CLPB: variants seen among roughly 807,000 people sequenced by gnomAD.
CLPB encodes ClpB family mitochondrial disaggregase, also known as mitochondrial disaggregase.
CLPB carries 40 observed loss-of-function variants against 78.4 expected under a neutral mutation model. That is an observed-to-expected ratio of 0.51 (90% CI 0.40 to 0.66). The LOEUF (loss-of-function observed/expected upper bound fraction) is 0.66. Ranked by LOEUF, CLPB falls within the 30% of genes least tolerant of loss-of-function variation. CLPB has a pLI of 0.00. For missense variants in CLPB, 780 were observed against 886.9 expected (o/e 0.88, Z 1.53); for synonymous variants, 333 against 348.0 (o/e 0.96, Z 0.48).
chr11:72,362,841 C>T (rs1378171049), intron 4 of CLPB, among the ~76,000 whole-genome samples: 2 of 152,198 alleles, frequency 1.3e-5, no homozygotes, highest in Admixed American at 6.5e-5. Context: ...ATATACTTTC[C>T]TCTCAGAAAG....
chr11:72,422,280 A>C (rs986894491), intron 2 of CLPB, among the ~76,000 whole-genome samples: 11 of 151,286 alleles, frequency 7.3e-5, no homozygotes, highest in Non-Finnish European at 1.3e-4. Context: ...AAAAAAAAAA[A>C]AAAAAAAAAA....
chr11:72,299,337 CTG>C (rs1949613377), intron 11 of CLPB, among the ~76,000 whole-genome samples: 3 of 152,248 alleles, frequency 2.0e-5, no homozygotes, highest in African/African-American at 7.2e-5. Flanking sequence ...GAAAATTTGA[CTG>C]TTTCTTTCTT....
chr11:72,422,593 G>A (rs553702488), intron 2 of CLPB, among the ~76,000 whole-genome samples: 1 of 152,282 alleles, frequency 6.6e-6, no homozygotes, highest in South Asian at 2.1e-4. Flanking sequence ...TGCCCTTGAG[G>A]CCTTGACCTT....
chr11:72,433,872 C>T (rs575271042), intron 1 of CLPB, among the ~76,000 whole-genome samples, 200 bp downstream of exon 1: 1 of 152,254 alleles, frequency 6.6e-6, no homozygotes, highest in South Asian at 2.1e-4. Context: ...GGAAGCGGAT[C>T]TATGGTACGA....
At chr11:72,360,913 T>C (rs2135621491) in intron 4 of CLPB, among the ~76,000 whole-genome samples, 2 of 152,288 alleles carry the variant, frequency 1.3e-5, no homozygotes, top group South Asian at 4.1e-4. Context: ...CCCCACTGTT[T>C]CTCACATATC....
At chr11:72,331,520 C>T (rs1167265408) in intron 5 of CLPB, among the ~76,000 whole-genome samples, 3 of 150,044 alleles carry the variant, frequency 2.0e-5, no homozygotes, top group South Asian at 2.1e-4. Flanking sequence ...GGATTACAGG[C>T]GTGGGCCACT....
At chr11:72,332,021 C>T (rs1016764986) in intron 5 of CLPB, among the ~76,000 whole-genome samples, 5 of 152,036 alleles carry the variant, frequency 3.3e-5, no homozygotes, top group African/African-American at 1.2e-4. Flanking sequence ...AGGGGCAGGC[C>T]ATAGGAAATA....
chr11:72,293,925 G>T, intron 15 of CLPB, 97 bp downstream of exon 15: 2 of 1,060,342 alleles, frequency 1.9e-6, no homozygotes. Context: ...CAGCAACCAA[G>T]CTATAGGGAG....
chr11:72,365,564 G>T (rs1020576000), intron 4 of CLPB, among the ~76,000 whole-genome samples: 2 of 151,864 alleles, frequency 1.3e-5, no homozygotes, highest in African/African-American at 4.8e-5. Flanking sequence ...TCTAAATGGT[G>T]AAGTGCATAT....
intron 7 of CLPB, among the ~76,000 whole-genome samples, chr11:72,309,830 T>C (rs1340052591): frequency 6.6e-6 from 1 of 152,126 alleles, no homozygotes; most frequent in African/African-American, 2.4e-5. Flanking sequence ...AGGGGAAAAT[T>C]AGCTAAGGGA....
chr11:72,392,544 A>G (rs1365647012), intron 3 of CLPB, among the ~76,000 whole-genome samples: 1 of 152,196 alleles, frequency 6.6e-6, no homozygotes, highest in Non-Finnish European at 1.5e-5. Flanking sequence ...TTGGGTAGGA[A>G]ATAAGGTACC....
intron 6 of CLPB, among the ~76,000 whole-genome samples, chr11:72,327,719 G>C (rs567809072): frequency 9.2e-5 from 14 of 152,314 alleles, no homozygotes; most frequent in African/African-American, 3.4e-4. Context: ...CTGATGATGA[G>C]CATGCAGTCC....
intron 4 of CLPB, among the ~76,000 whole-genome samples, chr11:72,361,000 C>T (rs547339118): frequency 9.9e-4 from 150 of 152,276 alleles, no homozygotes; most frequent in South Asian, 6.2e-3. Flanking sequence ...CTGGTCCCAG[C>T]CTTGGCTCTT....
intron 7 of CLPB, among the ~76,000 whole-genome samples, chr11:72,310,446 C>T (rs1439416546): frequency 6.6e-6 from 1 of 152,106 alleles, no homozygotes; most frequent in Non-Finnish European, 1.5e-5. Context: ...CTCATAGGTA[C>T]CTGAATGCTG....
chr11:72,292,968 C>T lies in CLPB; in HGVS notation c.*399G>A. On this transcript the variant is annotated 3_prime_UTR_variant, in exon 16 of 16. Transcript: ENST00000538039. Reference sequence around the variant, plus strand: ...GACTAGCAGAGGGTGGCAGTTCAGTCTGGTCCCTGTCTTCTTCCAGCCAGC... The same window carrying T: ...GACTAGCAGAGGGTGGCAGTTCAGTTTGGTCCCTGTCTTCTTCCAGCCAGC... 1 of 188,428 alleles carries T rather than the reference C, an allele frequency of 5.3e-6. No homozygotes were observed. The highest frequency in any genetic ancestry group is 1.2e-4 in the South Asian group (1 of 8,430). 11.7% of individuals were successfully genotyped at this position (188,428 alleles called of 1,614,324 possible). A position where few individuals can be genotyped will look rare whatever the true frequency, so the allele number is the denominator to read the frequency against.
chr11:72,367,909 T>C (rs1309248002), intron 4 of CLPB, among the ~76,000 whole-genome samples: 2 of 152,154 alleles, frequency 1.3e-5, no homozygotes, highest in Non-Finnish European at 2.9e-5. Flanking sequence ...GATATATAAT[T>C]CACACTCCAT....
intron 11 of CLPB, among the ~76,000 whole-genome samples, chr11:72,298,015 C>G (rs568713506): frequency 6.6e-6 from 1 of 152,258 alleles, no homozygotes; most frequent in South Asian, 2.1e-4. Flanking sequence ...CCTCTAACAA[C>G]CAGAGCGTGC....
Position 72,376,562 on chromosome 11 carries a change from A to T in CLPB, c.646+3719T>A, listed in dbSNP as rs117364462. Among the ~76,000 whole-genome samples the T allele has an allele frequency of 5.6e-3, 768 of 136,804 alleles. 3 individuals carry two copies. The highest frequency in any genetic ancestry group is 8.1e-3 in the Non-Finnish European group (512 of 62,940). 89.7% of individuals were successfully genotyped at this position (136,804 alleles called of 152,430 possible). A position where few individuals can be genotyped will look rare whatever the true frequency, so the allele number is the denominator to read the frequency against. Reference sequence around the variant, plus strand: ...AGACAAAGGTAGTCTAGAATTATTTAAAAAAAAAAAAAAAAAGGTAGAGAG... The same window carrying T: ...AGACAAAGGTAGTCTAGAATTATTTTAAAAAAAAAAAAAAAAGGTAGAGAG... On this transcript the variant is annotated intron_variant, in intron 4 of 15. Transcript: ENST00000538039.
intron 7 of CLPB, among the ~76,000 whole-genome samples, chr11:72,309,922 G>A (rs1437935365): frequency 6.6e-6 from 1 of 152,184 alleles, no homozygotes; most frequent in African/African-American, 2.4e-5. Context: ...CCCATCTTGA[G>A]TTGCCAAGAT....
Sources: gnomAD v4.1 joint callset for allele counts (sites outside exome capture counted in the v4.1 genomes callset) on GRCh38, gnomAD v4.1.1 for gene constraint, MANE v1.5 for transcripts, NCBI Gene and HGNC (gene_info 2026-07-23, HGNC 2026-07-21) for gene names.